The following GPC6 variants were observed in gnomAD, a reference collection of about 807,000 sequenced individuals.
The protein encoded by GPC6 is glypican 6.
In GPC6, 14 loss-of-function variants were observed where a neutral mutation model predicts 55.2. The observed-to-expected ratio is 0.25, with a 90% CI of 0.17 to 0.40. The LOEUF (loss-of-function observed/expected upper bound fraction) is 0.40. GPC6 is among the 10% of genes least tolerant of loss of function. The pLI is 1.00. For missense variants in GPC6, 641 were observed against 708.5 expected, an observed-to-expected ratio of 0.90 and a Z score of 1.08; for synonymous variants, 278 against 259.6, an observed-to-expected ratio of 1.07 and a Z score of -0.68.
chr13:93,347,401 G>T (rs1323984), intron 1 of GPC6, among the ~76,000 whole-genome samples: 46,278 of 151,976 alleles, frequency 0.3, 8,043 homozygotes, highest in East Asian at 0.79. Context: ...ACTGTCTAAT[G>T]TGAAATGCAT....
At chr13:93,776,600 AAAAGAAAGAAAGAAGG>A (rs1345520829) in intron 2 of GPC6, among the ~76,000 whole-genome samples, 2 of 152,210 alleles carry the variant, frequency 1.3e-5, no homozygotes, top group African/African-American at 4.8e-5. Context: ...TTCAGAAAAA[AAAAGAAAGAAAGAAGG>A]AAAGAAAGAA....
intron 6 of GPC6, among the ~76,000 whole-genome samples, chr13:94,314,268 T>C (rs1345834244): frequency 3.3e-5 from 5 of 152,196 alleles, no homozygotes; most frequent in African/African-American, 9.7e-5. Context: ...AAAAAGAATA[T>C]GTAGAAGGCA....
intron 5 of GPC6, among the ~76,000 whole-genome samples, chr13:94,302,267 T>C (rs760468518): frequency 4.6e-5 from 7 of 152,226 alleles, no homozygotes; most frequent in Non-Finnish European, 8.8e-5. Flanking sequence ...AGATTTGATG[T>C]CTGGTGAGGA....
At chr13:93,892,811 T>G (rs897881784) in intron 3 of GPC6, among the ~76,000 whole-genome samples, 3 of 152,174 alleles carry the variant, frequency 2.0e-5, no homozygotes, top group African/African-American at 7.2e-5. Context: ...TCTGAAAATC[T>G]GCAGTGTTTC....
intron 3 of GPC6, among the ~76,000 whole-genome samples, chr13:93,911,207 C>G (rs865778851): frequency 1.3e-5 from 2 of 152,120 alleles, no homozygotes; most frequent in African/African-American, 4.8e-5. Flanking sequence ...GAAAAGAGAT[C>G]TGATGGAATT....
intron 3 of GPC6, among the ~76,000 whole-genome samples, chr13:93,951,484 G>T (rs1458835290): frequency 6.6e-6 from 1 of 152,114 alleles, no homozygotes; most frequent in Non-Finnish European, 1.5e-5. Context: ...ATGAATGAAT[G>T]AATGCTTAAA....
chr13:94,165,126 GCAAA>G (rs1888311435), intron 4 of GPC6, among the ~76,000 whole-genome samples: 1 of 151,558 alleles, frequency 6.6e-6, no homozygotes, highest in Non-Finnish European at 1.5e-5. Flanking sequence ...ATTCACAATT[GCAAA>G]AATATGGAAC....
At chr13:94,082,216 C>T (rs1885126301) in intron 4 of GPC6, among the ~76,000 whole-genome samples, 1 of 152,100 alleles carries the variant, frequency 6.6e-6, no homozygotes, top group African/African-American at 2.4e-5. Flanking sequence ...TCTCCTACAA[C>T]CAACATGTCT....
At chr13:93,614,603 G>A (rs1878638172) in intron 2 of GPC6, among the ~76,000 whole-genome samples, 1 of 152,108 alleles carries the variant, frequency 6.6e-6, no homozygotes, top group African/African-American at 2.4e-5. Context: ...ATATGAAATA[G>A]CTATAGCCAA....
intron 1 of GPC6, among the ~76,000 whole-genome samples, chr13:93,539,197 G>T (rs553526271): frequency 1.3e-5 from 2 of 152,238 alleles, no homozygotes; most frequent in East Asian, 3.9e-4. Context: ...GAAAATTAGT[G>T]ATTGATGGAC....
chr13:94,254,114 T>G (rs1490168460), intron 4 of GPC6, among the ~76,000 whole-genome samples: 2 of 152,130 alleles, frequency 1.3e-5, no homozygotes, highest in Non-Finnish European at 2.9e-5. Context: ...TGTAGAGCAT[T>G]TTAATGGCCC....
At chr13:93,924,209 A>G (rs528518181) in intron 3 of GPC6, among the ~76,000 whole-genome samples, 7 of 152,348 alleles carry the variant, frequency 4.6e-5, no homozygotes, top group Admixed American at 4.6e-4. Context: ...TACAGTATGT[A>G]TGGCTCTCCT....
At chr13:93,381,373 A>G (rs1875162244) in intron 1 of GPC6, among the ~76,000 whole-genome samples, 1 of 152,128 alleles carries the variant, frequency 6.6e-6, no homozygotes, top group South Asian at 2.1e-4. Context: ...CTTGAGATGG[A>G]CATTCTACAC....
chr13:94,323,054 C>T (rs1308593563), intron 6 of GPC6, among the ~76,000 whole-genome samples: 1 of 152,134 alleles, frequency 6.6e-6, no homozygotes. Context: ...CCTCATAAAA[C>T]CTGCATCCAT....
intron 4 of GPC6, among the ~76,000 whole-genome samples, chr13:94,168,073 G>A (rs1256397662): frequency 6.6e-6 from 1 of 152,174 alleles, no homozygotes; most frequent in Non-Finnish European, 1.5e-5. Flanking sequence ...TTGCGAGATA[G>A]GCATTATCAT....
intron 2 of GPC6, among the ~76,000 whole-genome samples, chr13:93,803,987 T>C (rs1414128203): frequency 6.6e-6 from 1 of 152,182 alleles, no homozygotes; most frequent in Non-Finnish European, 1.5e-5. Flanking sequence ...AAATTGATTG[T>C]TGTGATGGTT....
At chr13:93,846,371 A>T (rs1254478711) in intron 3 of GPC6, among the ~76,000 whole-genome samples, 1 of 152,242 alleles carries the variant, frequency 6.6e-6, no homozygotes, top group Non-Finnish European at 1.5e-5. Flanking sequence ...AACCTAAAGC[A>T]GAATGACACA....
chr13:93,898,883 T>C (rs1181063215), intron 3 of GPC6, among the ~76,000 whole-genome samples: 1 of 149,882 alleles, frequency 6.7e-6, no homozygotes, highest in Non-Finnish European at 1.5e-5. Context: ...CAGTGAACAC[T>C]ACACTTTAAC....
chr13:94,340,344 A>C (rs1594186182), intron 6 of GPC6, among the ~76,000 whole-genome samples: 2 of 152,338 alleles, frequency 1.3e-5, no homozygotes, highest in East Asian at 3.9e-4. Flanking sequence ...ATTTAGAAAA[A>C]AAAAATCTAC....
Sources: allele counts gnomAD v4.1 joint callset (sites outside exome capture counted in the v4.1 genomes callset), GRCh38; gene constraint gnomAD v4.1.1; transcripts MANE v1.5; gene names NCBI Gene and HGNC (gene_info 2026-07-23, HGNC 2026-07-21).